Variants in COL8A2 observed in about 807,000 individuals in gnomAD.
COL8A2 encodes the protein collagen type VIII alpha 2 chain.
A neutral mutation model predicts 24.0 loss-of-function variants in COL8A2; 16 were observed. The ratio of observed to expected loss-of-function variants is 0.67; its 90% confidence interval spans 0.45 to 1.01. The LOEUF (loss-of-function observed/expected upper bound fraction) is 1.01, where lower values mean the gene tolerates loss of function less well. Ranked by LOEUF, COL8A2 falls within the 50% of genes least tolerant of loss-of-function variation. The pLI, the probability that COL8A2 is intolerant of heterozygous loss-of-function variation, is 0.00. For missense variants in COL8A2, 818 were observed against 942.4 expected (o/e 0.87, Z 1.73); for synonymous variants, 466 against 424.5 (o/e 1.10, Z -1.20).
chr1:36,112,105 G>A lies in COL8A2; in HGVS notation c.-17+3603C>T, dbSNP rs548778555. Among the ~76,000 whole-genome samples the A allele has an allele frequency of 5.4e-3, 817 of 152,304 alleles. 8 individuals are homozygous for A. The highest frequency in any genetic ancestry group is 9.8e-3 in the Non-Finnish European group (669 of 68,034). ...TGCAAACTCCGCCTCCCAGGTTCAC[G>A]CCATTCTCCTGCCTCAGCCTCCCGA... On this transcript the variant is annotated intron_variant, in intron 2 of 3. Transcript: ENST00000397799.
rs1396719951 is a variant in COL8A2, at chr1:36,115,786, G to C, written c.-61-34C>G. 1 of 982,062 alleles carries C rather than the reference G, an allele frequency of 1.0e-6. No homozygotes were observed. Among genetic ancestry groups the C allele is most frequent in the Non-Finnish European group, 1.2e-6 (1 of 826,916 alleles). 60.8% of individuals were successfully genotyped at this position (982,062 alleles called of 1,614,324 possible). On this transcript the variant is annotated intron_variant, in intron 1 of 3. Transcript: ENST00000397799. This position sits in a 1 kb window ranked among gnomAD's most constrained non-coding sequence, Gnocchi z 5.7. ...GAACAAGAGAAACAGTGAGGCTATG[G>C]GGCAGTGGCTCAAGCTTGTAATCCC...
chr1:36,100,180 C>A lies in COL8A2; in HGVS notation c.63G>T (p.Gly21=), dbSNP rs536639504. 6.2e-6 allele frequency: 10 copies of A among 1,608,664 alleles called. No homozygotes were observed. The Admixed American group carries it at 8.4e-5, about 14-fold the overall frequency. ...LLLLLLVLVL[G]CGPRASSGGG... The stretch of plus-strand genomic sequence containing the variant: ...CACCAGAGGACGCCCGCGGCCCACA[C>A]CCCAGCACCAGCACCAGTAGCAGCA... The change falls in exon 3 of 4, where the codon GGG becomes GGT. Residue 21 remains glycine, a synonymous_variant. Transcript: ENST00000397799.
chr1:36,122,659 C>T (rs1643923046), intron 1 of COL8A2, among the ~76,000 whole-genome samples: 1 of 152,164 alleles, frequency 6.6e-6, no homozygotes, highest in Admixed American at 6.5e-5. Flanking sequence ...CTCTCATCCC[C>T]ATGGCAACCG....
Position 36,123,126 on chromosome 1 carries a change from G to A in COL8A2, c.-62+1931C>T, listed in dbSNP as rs946678656. On this transcript the variant is annotated intron_variant, in intron 1 of 3. Coordinates refer to ENST00000397799, the MANE Select transcript of COL8A2 (RefSeq NM_005202.4). The surrounding 1 kb of genome is among the most constrained non-coding windows in gnomAD (Gnocchi z 4.1). ...CTCCTCGGGTACCTAGTAGGGCACC[G>A]TGAGACCACAGCCACACCCCAGAGG... is the stretch of plus-strand genomic sequence containing the variant. Among the ~76,000 whole-genome samples the A allele has an allele frequency of 4.6e-5, 7 of 152,186 alleles. No individual in the cohort carries two copies. Among genetic ancestry groups the A allele is most frequent in the Admixed American group, 1.3e-4 (2 of 15,272 alleles).
chr1:36,109,727 G>A (rs1022424945), intron 2 of COL8A2, among the ~76,000 whole-genome samples: 4 of 151,546 alleles, frequency 2.6e-5, no homozygotes, highest in Non-Finnish European at 5.9e-5. Flanking sequence ...ACACCACCAC[G>A]CCCAGCTAAT....
In COL8A2 at chr1:36,096,130, G is replaced by A. The variant is rs942408216; in HGVS notation, c.*1439C>T. On this transcript the variant is annotated 3_prime_UTR_variant, in exon 4 of 4. Transcript: ENST00000397799. ...TGACCCCAGTTCACACTTGGTACAAGGAGTGGGGCTGGCCTGGCGAGGGCC... is the reference window on the plus strand; with the variant it reads ...TGACCCCAGTTCACACTTGGTACAAAGAGTGGGGCTGGCCTGGCGAGGGCC... The A allele has an allele frequency of 6.6e-6, 1 of 152,244 alleles. No homozygotes were observed. The highest frequency in any genetic ancestry group is 2.4e-5 in the African/African-American group (1 of 41,436). 9.4% of individuals were successfully genotyped at this position (152,244 alleles called of 1,614,324 possible). A position where few individuals can be genotyped will look rare whatever the true frequency, so the allele number is the denominator to read the frequency against.
At chr1:36,110,537 T>C (rs1364594333) in intron 2 of COL8A2, among the ~76,000 whole-genome samples, 3 of 152,132 alleles carry the variant, frequency 2.0e-5, no homozygotes. Flanking sequence ...TCACCCAAGC[T>C]GGAGTGCAGT....
At chr1:36,116,236 G>T (rs538174063) in intron 1 of COL8A2, among the ~76,000 whole-genome samples, 1 of 152,160 alleles carries the variant, frequency 6.6e-6, no homozygotes, top group East Asian at 1.9e-4. Flanking sequence ...AGGGAAGCAG[G>T]GTATGTGCCC....
intron 2 of COL8A2, among the ~76,000 whole-genome samples, chr1:36,102,394 G>A (rs982791776): frequency 1.3e-4 from 20 of 152,124 alleles, no homozygotes; most frequent in Admixed American, 2.0e-4. Flanking sequence ...TCGGCCTCCC[G>A]GGCTCAAGTA....
rs1349994518 is a variant in COL8A2 at position 36,099,074 on chromosome 1, C to T, written c.607G>A (p.Gly203Ser). The change falls in exon 4 of 4, where the codon GGC becomes AGC. Residue 203 changes from glycine (G) to serine (S), a missense_variant. Gly to Ser is a moderately conservative substitution (Grantham distance 56). Coordinates refer to ENST00000397799, the MANE Select transcript of COL8A2 (RefSeq NM_005202.4). ...QGEPGPPGDR[G>S]LKGDNGVGQP... ...CCCACTCCATTATCCCCCTTGAGGC[C>T]TCGATCACCTGGGGGCCCAGGCTCC... 6.6e-7 allele frequency: 1 copy of T among 1,512,682 alleles called. No homozygotes were observed. The highest frequency in any genetic ancestry group is 2.3e-5 in the East Asian group (1 of 43,502). The allele number at this position is 1,512,682 out of a possible 1,614,324, so 93.7% of individuals were successfully genotyped here. A position where few individuals can be genotyped will look rare whatever the true frequency, so the allele number is the denominator to read the frequency against.
In COL8A2 at chr1:36,097,364, T is replaced by G; in HGVS notation, c.*205A>C. 27 of 564,280 alleles carry G rather than the reference T, an allele frequency of 4.8e-5. No individual in the cohort carries two copies. Among genetic ancestry groups the G allele is most frequent in the Admixed American group, 9.2e-5 (3 of 32,690 alleles). The allele number at this position is 564,280 out of a possible 1,614,324, so 35.0% of individuals were successfully genotyped here. A position where few individuals can be genotyped will look rare whatever the true frequency, so the allele number is the denominator to read the frequency against. On this transcript the variant is annotated 3_prime_UTR_variant, in exon 4 of 4. Coordinates refer to ENST00000397799, the MANE Select transcript of COL8A2 (RefSeq NM_005202.4). Reference sequence around the variant, plus strand: ...GTGCAGCCCTGACACTGCACAGACATTTGGGGGAAAGAAACTCAGGCCAGC... The same window carrying G: ...GTGCAGCCCTGACACTGCACAGACAGTTGGGGGAAAGAAACTCAGGCCAGC...
chr1:36,104,180 GCAAAACTCCACCT>G (rs1488667792), intron 2 of COL8A2, among the ~76,000 whole-genome samples: 3 of 81,986 alleles, frequency 3.7e-5, no homozygotes, highest in Non-Finnish European at 1.3e-4. Context: ...GGCAACAAGA[GCAAAACTCCACCT>G]CAAAAAACAA....
chr1:36,099,370 T>C lies in COL8A2; in HGVS notation c.311A>G (p.Lys104Arg), dbSNP rs1643638301. The change falls in exon 4 of 4, where the codon AAG (lysine) becomes AGG (arginine). Residue 104 changes from lysine to arginine, a missense_variant. This residue lies in a region of COL8A2 where 573 missense variants were observed against 616.8 expected (regional missense o/e 0.93). Coordinates refer to ENST00000397799, the MANE Select transcript of COL8A2 (RefSeq NM_005202.4). ...GCCAGGCTGCCCATGGAGTCCTGGC[T>C]TTCCCATGCCTGGTTTTCCTGGGAA... is the stretch of plus-strand genomic sequence containing the variant. ...PGFPGKPGMGKPGLHGQPGPA... is the reference protein window; with the variant it reads ...PGFPGKPGMGRPGLHGQPGPA... The C allele has an allele frequency of 6.3e-7, 1 of 1,576,704 alleles. No homozygotes were observed. Among genetic ancestry groups the C allele is most frequent in the East Asian group, 2.3e-5 (1 of 43,700 alleles).
chr1:36,120,747 C>CAAA (rs34157391), intron 1 of COL8A2, among the ~76,000 whole-genome samples: 8 of 98,168 alleles, frequency 8.1e-5, no homozygotes, highest in African/African-American at 2.3e-4. Context: ...GACTCCGTCT[C>CAAA]AAAAAAAAAA....
intron 2 of COL8A2, among the ~76,000 whole-genome samples, chr1:36,105,650 T>C (rs1211001168): frequency 6.6e-6 from 1 of 152,150 alleles, no homozygotes; most frequent in East Asian, 1.9e-4. Context: ...ATCCCTGTTT[T>C]AGAGATGAGG....
At chr1:36,099,587 G>C in intron 3 of COL8A2, 100 bp from the exon 4 acceptor site, 2 of 901,212 alleles carry the variant, frequency 2.2e-6, no homozygotes, top group Non-Finnish European at 3.5e-6. Flanking sequence ...ACACGGGAGA[G>C]GAAGAATGGG....
intron 2 of COL8A2, among the ~76,000 whole-genome samples, chr1:36,103,457 A>G (rs1247309950): frequency 1.3e-5 from 2 of 151,156 alleles, no homozygotes; most frequent in African/African-American, 4.9e-5. Flanking sequence ...TATTTTTAGT[A>G]GAGATGGGGG....
intron 2 of COL8A2, among the ~76,000 whole-genome samples, chr1:36,108,306 G>A (rs1449468158): frequency 1.3e-5 from 2 of 152,350 alleles, no homozygotes; most frequent in African/African-American, 4.8e-5. Context: ...TCCCCATGGG[G>A]AACAGTGGCC....
At chr1:36,114,318 CA>C (rs57876657) in intron 2 of COL8A2, among the ~76,000 whole-genome samples, 41 of 115,294 alleles carry the variant, frequency 3.6e-4, no homozygotes, top group Admixed American at 2.1e-3. Context: ...GACTCCATCT[CA>C]AAAAAAAAAA....
Sources: gnomAD v4.1 joint callset for allele counts (sites outside exome capture counted in the v4.1 genomes callset) on GRCh38, gnomAD v4.1.1 for gene constraint, gnomAD v4.1.1 regional missense constraint, Gnocchi (gnomAD v3.1) non-coding constraint, MANE v1.5 for transcripts, NCBI Gene and HGNC (gene_info 2026-07-23, HGNC 2026-07-21) for gene names.